Variants in LOC128462377 observed in about 807,000 individuals in gnomAD.
the LOC128462377 span, chr16:89,340,053 G>C: frequency 6.6e-6 from 1 of 152,134 alleles, no homozygotes. Flanking sequence ...CCATTCTCCT[G>C]TTGACTAACA....
the LOC128462377 span, among the ~76,000 whole-genome samples, chr16:89,339,455 G>A: frequency 6.6e-6 from 1 of 152,302 alleles, no homozygotes; most frequent in East Asian, 1.9e-4. Context: ...ATGGTCCGAG[G>A]AGCCCATCCT....
chr16:89,319,555 C>T, the LOC128462377 span, among the ~76,000 whole-genome samples: 251 of 152,358 alleles, frequency 1.6e-3, 1 homozygote, highest in African/African-American at 5.4e-3. Flanking sequence ...CCCTCGTGTC[C>T]GCCTGGCCTT....
chr16:89,357,547 GC>G, the LOC128462377 span, among the ~76,000 whole-genome samples: 1 of 152,170 alleles, frequency 6.6e-6, no homozygotes, highest in Admixed American at 6.5e-5. Flanking sequence ...TGAAAGCAGG[GC>G]CCCCAAAAGA....
At chr16:89,334,522 G>A in the LOC128462377 span, among the ~76,000 whole-genome samples, 8 of 152,078 alleles carry the variant, frequency 5.3e-5, no homozygotes, top group Non-Finnish European at 8.8e-5. Context: ...GCAAAGTGAC[G>A]AGAAAACACC....
the LOC128462377 span, among the ~76,000 whole-genome samples, chr16:89,319,282 G>C: frequency 1.1e-4 from 17 of 152,354 alleles, no homozygotes; most frequent in African/African-American, 4.1e-4. Flanking sequence ...TCACTCCTGA[G>C]ACACCTGATT....
At chr16:89,411,190 C>T in the LOC128462377 span, among the ~76,000 whole-genome samples, 62 of 152,392 alleles carry the variant, frequency 4.1e-4, no homozygotes, top group African/African-American at 1.4e-3. Flanking sequence ...GCCTCCATGA[C>T]GGTGCCCTCC....
chr16:89,319,580 A>G, the LOC128462377 span, among the ~76,000 whole-genome samples: 4 of 152,108 alleles, frequency 2.6e-5, no homozygotes, highest in Non-Finnish European at 5.9e-5. Flanking sequence ...ACAACATGTT[A>G]CCGATGGCAG....
At chr16:89,405,059 C>T in the LOC128462377 span, among the ~76,000 whole-genome samples, 1 of 152,050 alleles carries the variant, frequency 6.6e-6, no homozygotes, top group Non-Finnish European at 1.5e-5. Context: ...CAACACAGCC[C>T]GACGCCCCGT....
chr16:89,382,642 A>G, the LOC128462377 span, among the ~76,000 whole-genome samples: 3 of 151,266 alleles, frequency 2.0e-5, no homozygotes, highest in African/African-American at 7.3e-5. Context: ...TGGCCGACAA[A>G]TAAACAATTC....
the LOC128462377 span, among the ~76,000 whole-genome samples, chr16:89,371,303 G>A: frequency 6.6e-6 from 1 of 152,200 alleles, no homozygotes; most frequent in African/African-American, 2.4e-5. Flanking sequence ...TCACAGAACA[G>A]AAACAAATAA....
At chr16:89,412,059 A>G in the LOC128462377 span, among the ~76,000 whole-genome samples, 478 of 91,536 alleles carry the variant, frequency 5.2e-3, 16 homozygotes, top group African/African-American at 0.021. Context: ...TGTCTCCCAG[A>G]GTCTCCTGGC....
the LOC128462377 span, chr16:89,329,036 G>A: frequency 5.3e-5 from 8 of 151,062 alleles, no homozygotes; most frequent in East Asian, 1.6e-3. Context: ...TGGTGAGTGA[G>A]TGGACGCACC....
At chr16:89,356,263 A>G in the LOC128462377 span, among the ~76,000 whole-genome samples, 62 of 152,172 alleles carry the variant, frequency 4.1e-4, no homozygotes, top group East Asian at 7.6e-3. Context: ...CAGGACGTCC[A>G]AAGGAGACAT....
chr16:89,411,422 C>T, the LOC128462377 span, among the ~76,000 whole-genome samples: 1 of 152,156 alleles, frequency 6.6e-6, no homozygotes, highest in African/African-American at 2.4e-5. Flanking sequence ...ACATTTCTTC[C>T]TTTTTTCTTT....
chr16:89,330,751 T>A, the LOC128462377 span, among the ~76,000 whole-genome samples: 2 of 140,048 alleles, frequency 1.4e-5, no homozygotes, highest in African/African-American at 5.3e-5. Flanking sequence ...CTGTTCCTCC[T>A]CGGCGAGTTC....
the LOC128462377 span, among the ~76,000 whole-genome samples, chr16:89,318,645 T>C: frequency 6.6e-6 from 1 of 152,222 alleles, no homozygotes; most frequent in African/African-American, 2.4e-5. Flanking sequence ...CACCTGCCCC[T>C]GGACGCAGGC....
the LOC128462377 span, among the ~76,000 whole-genome samples, chr16:89,321,851 G>GA: frequency 6.6e-6 from 1 of 152,160 alleles, no homozygotes; most frequent in African/African-American, 2.4e-5. Context: ...CCTCTCCTGA[G>GA]ACAGCAAGAC....
the LOC128462377 span, among the ~76,000 whole-genome samples, chr16:89,381,331 C>CAAAAAAA: frequency 1.0e-4 from 8 of 76,364 alleles, no homozygotes; most frequent in African/African-American, 4.6e-4. Context: ...GACTCTGCTG[C>CAAAAAAA]AAAAAAAAAA....
At chr16:89,322,834 C>G in the LOC128462377 span, among the ~76,000 whole-genome samples, 12 of 152,128 alleles carry the variant, frequency 7.9e-5, no homozygotes, top group African/African-American at 2.9e-4. Context: ...TTAGCTTTAT[C>G]TGAAGAGTTC....
Sources: allele counts gnomAD v4.1 joint callset (sites outside exome capture counted in the v4.1 genomes callset), GRCh38; gene constraint gnomAD v4.1.1; transcripts MANE v1.5.